Variants in ACOT13 observed in about 807,000 individuals in gnomAD.
ACOT13 encodes acyl-coenzyme A thioesterase 13.
ACOT13 carries 10 observed loss-of-function variants against 11.8 expected under a neutral mutation model. That is an observed-to-expected ratio of 0.85 (90% CI 0.53 to 1.44). ACOT13 has a LOEUF of 1.44. ACOT13 is among the 40% of genes most tolerant of loss of function. The pLI is 0.00. For missense variants in ACOT13, 172 were observed against 174.1 expected (o/e 0.99, Z 0.07); for synonymous variants, 53 against 61.0 (o/e 0.87, Z 0.61).
intron 1 of ACOT13, among the ~76,000 whole-genome samples, chr6:24,690,462 C>A (rs1028506739): frequency 2.0e-5 from 3 of 152,190 alleles, no homozygotes; most frequent in Admixed American, 1.3e-4. Context: ...GAGCACCCAC[C>A]TTTATAGGCA....
At chr6:24,697,612 G>T (rs368107831) in intron 1 of ACOT13, among the ~76,000 whole-genome samples, 1 of 152,172 alleles carries the variant, frequency 6.6e-6, no homozygotes, top group African/African-American at 2.4e-5. Flanking sequence ...AATGCCAGGC[G>T]TCATACATAT....
At chr6:24,677,029 C>T (rs1778465333) in intron 1 of ACOT13, among the ~76,000 whole-genome samples, 2 of 152,200 alleles carry the variant, frequency 1.3e-5, no homozygotes, top group African/African-American at 4.8e-5. Flanking sequence ...GTTCTGCATG[C>T]TGAGCACTAG....
chr6:24,700,900 ATCC>A (rs890686921), intron 2 of ACOT13: 5 of 147,724 alleles, frequency 3.4e-5, no homozygotes, highest in African/African-American at 1.2e-4. Context: ...GTTTTAAACA[ATCC>A]TCATCTCCCC....
At chr6:24,668,293 A>G (rs966975411) in intron 1 of ACOT13, among the ~76,000 whole-genome samples, 3 of 151,664 alleles carry the variant, frequency 2.0e-5, no homozygotes, top group African/African-American at 7.3e-5. Context: ...ATCTCGGCTC[A>G]CTGCAACCTC....
chr6:24,691,909 G>A (rs1778723343), intron 1 of ACOT13, among the ~76,000 whole-genome samples: 1 of 152,176 alleles, frequency 6.6e-6, no homozygotes. Context: ...GGATCATGCT[G>A]AAGGCATATC....
chr6:24,698,424 C>T (rs1172559477), intron 2 of ACOT13, among the ~76,000 whole-genome samples: 2 of 152,300 alleles, frequency 1.3e-5, no homozygotes, highest in Admixed American at 6.5e-5. Context: ...CAGTGGCTCA[C>T]GCCTATAATC....
intron 1 of ACOT13, among the ~76,000 whole-genome samples, chr6:24,669,162 C>G (rs12214801): frequency 3.3e-5 from 5 of 152,098 alleles, no homozygotes; most frequent in Admixed American, 2.6e-4. Flanking sequence ...AGGATGCGCA[C>G]GCAGTGACAC....
At chr6:24,684,505 A>C (rs1384062628) in intron 1 of ACOT13, among the ~76,000 whole-genome samples, 2 of 152,080 alleles carry the variant, frequency 1.3e-5, no homozygotes, top group Non-Finnish European at 2.9e-5. Context: ...CTAAGTTGGC[A>C]GTGATGGTAA....
Position 24,701,581 on chromosome 6 carries a change from C to G in ACOT13, c.389C>G (p.Ala130Gly), listed in dbSNP as rs1778892993. The change falls in exon 3 of 3, where the codon GCA (alanine) becomes GGA (glycine). Residue 130 changes from alanine (A) to glycine (G), a missense_variant. By Grantham distance (60) the Ala-to-Gly change is moderately conservative. Coordinates refer to ENST00000230048, the MANE Select transcript of ACOT13 (RefSeq NM_018473.4). ...AACAAGGCCACAGGAAAATTAATAG[C>G]ACAAGGAAGACACACAAAACACCTG... ...LTNKATGKLI[A>G]QGRHTKHLGN is the part of the protein sequence containing the mutation. The G allele has an allele frequency of 6.2e-7, 1 of 1,613,148 alleles. No homozygotes were observed. The highest frequency in any genetic ancestry group is 1.1e-5 in the South Asian group (1 of 90,970).
intron 1 of ACOT13, among the ~76,000 whole-genome samples, chr6:24,694,917 TCTAA>T (rs1015329420): frequency 1.3e-4 from 20 of 152,128 alleles, no homozygotes; most frequent in Admixed American, 8.5e-4. Flanking sequence ...ACTAGAAAAA[TCTAA>T]CTGACATTTG....
At chr6:24,699,632 C>G (rs1008757659) in intron 2 of ACOT13, among the ~76,000 whole-genome samples, 5 of 152,192 alleles carry the variant, frequency 3.3e-5, no homozygotes, top group Admixed American at 6.5e-5. Context: ...CAGCCAAATG[C>G]TCTTTTTGAA....
chr6:24,684,384 G>A (rs998378205), intron 1 of ACOT13, among the ~76,000 whole-genome samples: 1 of 152,196 alleles, frequency 6.6e-6, no homozygotes, highest in Admixed American at 6.5e-5. Context: ...CTTCATGAGT[G>A]TGTATCTTCT....
intron 1 of ACOT13, among the ~76,000 whole-genome samples, chr6:24,677,181 G>C (rs1002050608): frequency 1.3e-5 from 2 of 152,152 alleles, no homozygotes; most frequent in African/African-American, 4.8e-5. Context: ...ACCCCTAAAA[G>C]GTCCCCTTGA....
Position 24,667,083 on chromosome 6 carries a change from C to CA in ACOT13, c.-178dup, listed in dbSNP as rs1778268115. 1.2e-6 allele frequency: 1 copy of CA among 849,428 alleles called. No homozygotes were observed. Among genetic ancestry groups the CA allele is most frequent in the Non-Finnish European group, 1.8e-6 (1 of 559,618 alleles). 52.6% of individuals were successfully genotyped at this position (849,428 alleles called of 1,614,324 possible). On this transcript the variant is annotated 5_prime_UTR_variant, in exon 1 of 3. Coordinates refer to ENST00000230048, the MANE Select transcript of ACOT13 (RefSeq NM_018473.4). Reference sequence around the variant, plus strand: ...CAAGGGTGCGAGGAAAGTCAGTGAGCAAATCGCGGACCACCGGGGCTGCCA... The same window carrying CA: ...CAAGGGTGCGAGGAAAGTCAGTGAGCAAAATCGCGGACCACCGGGGCTGCCA...
intron 1 of ACOT13, among the ~76,000 whole-genome samples, chr6:24,668,135 C>A (rs796965367): frequency 6.7e-6 from 1 of 149,576 alleles, no homozygotes; most frequent in East Asian, 2.0e-4. Context: ...CTCGAACTCC[C>A]GACCTCAGGT....
At chr6:24,670,037 A>C (rs1271443417) in intron 1 of ACOT13, among the ~76,000 whole-genome samples, 1 of 152,220 alleles carries the variant, frequency 6.6e-6, no homozygotes, top group Non-Finnish European at 1.5e-5. Context: ...AAACTGTAGA[A>C]AATAATAAAA....
chr6:24,680,389 C>T (rs1253162093), intron 1 of ACOT13, among the ~76,000 whole-genome samples: 2 of 152,068 alleles, frequency 1.3e-5, no homozygotes, highest in Admixed American at 6.6e-5. Flanking sequence ...ATCTTAAGGG[C>T]GTTTTTGCCT....
intron 1 of ACOT13, among the ~76,000 whole-genome samples, chr6:24,674,060 T>G (rs1217435132): frequency 6.6e-6 from 1 of 152,184 alleles, no homozygotes; most frequent in Admixed American, 6.5e-5. Context: ...GGGTTTTTTT[T>G]GTTTGTTTGT....
intron 1 of ACOT13, chr6:24,687,662 A>G (rs1254711094): frequency 1.3e-6 from 2 of 1,533,342 alleles, no homozygotes; most frequent in East Asian, 2.5e-5. Context: ...AGAGAAAGAA[A>G]GCATGTAAAG....
Sources: allele counts gnomAD v4.1 joint callset (sites outside exome capture counted in the v4.1 genomes callset), GRCh38; gene constraint gnomAD v4.1.1; transcripts MANE v1.5; gene names NCBI Gene and HGNC (gene_info 2026-07-23, HGNC 2026-07-21).